NCOR2: variants seen among roughly 807,000 people sequenced by gnomAD.
NCOR2 encodes the protein CTG repeat protein 26.
NCOR2 carries 81 observed loss-of-function variants against 262.9 expected under a neutral mutation model. The ratio of observed to expected loss-of-function variants is 0.31; its 90% confidence interval spans 0.26 to 0.37. The LOEUF (loss-of-function observed/expected upper bound fraction) is 0.37. Ranked by LOEUF, NCOR2 falls within the 10% of genes least tolerant of loss-of-function variation. The pLI, the probability that NCOR2 is intolerant of heterozygous loss-of-function variation, is 1.00. For missense variants in NCOR2, 3,385 were observed against 3,621.4 expected (o/e 0.93, Z 1.68); for synonymous variants, 1,659 against 1,559.3 (o/e 1.06, Z -1.51).
intron 19 of NCOR2, among the ~76,000 whole-genome samples, chr12:124,372,911 A>G (rs1241181168): frequency 6.6e-6 from 1 of 151,984 alleles, no homozygotes; most frequent in Non-Finnish European, 1.5e-5. Context: ...CGACAGATGG[A>G]GCCAGCCTGA....
At chr12:124,334,472 T>C in exon 41 of NCOR2, 3 of 1,470,940 alleles carry the variant, frequency 2.0e-6, no homozygotes, top group Non-Finnish European at 2.7e-6. Flanking sequence ...GGCACCATGG[T>C]CCGGGGGCGG....
intron 1 of NCOR2, among the ~76,000 whole-genome samples, chr12:124,526,967 C>A (rs2050504044): frequency 1.3e-5 from 2 of 152,200 alleles, no homozygotes; most frequent in African/African-American, 4.8e-5. Context: ...CCAATCAGGG[C>A]CGCTGAAAGA....
At chr12:124,472,047 A>C (rs1210880915) in intron 4 of NCOR2, among the ~76,000 whole-genome samples, 1 of 152,202 alleles carries the variant, frequency 6.6e-6, no homozygotes, top group Admixed American at 6.5e-5. Flanking sequence ...ATTTACAAAA[A>C]CCAGCAGCAG....
At chr12:124,352,120 G>T (rs1023285618) in intron 27 of NCOR2, among the ~76,000 whole-genome samples, 1 of 152,206 alleles carries the variant, frequency 6.6e-6, no homozygotes, top group Non-Finnish European at 1.5e-5. Flanking sequence ...CTAACAGTGT[G>T]GCACAATAGG....
intron 1 of NCOR2, among the ~76,000 whole-genome samples, chr12:124,500,337 TG>T (rs1487032899): frequency 7.2e-5 from 11 of 152,150 alleles, no homozygotes; most frequent in Admixed American, 4.6e-4. Context: ...CCCTGGGCCA[TG>T]CCTGCCAGGA....
rs188333646 is a variant in NCOR2, at chr12:124,414,208, T to G, written c.1482+5749A>C. Among the ~76,000 whole-genome samples the G allele has an allele frequency of 6.0e-4, 91 of 152,318 alleles. 1 individual carries two copies. The East Asian group carries it at 0.016, about 26-fold the overall frequency. On this transcript the variant is annotated intron_variant, in intron 13 of 46. Coordinates refer to ENST00000405201, the Ensembl canonical transcript of NCOR2. ...TCCCTCCAACTCCCCGGGCTGCATG[T>G]GCCAGGCTAGAACCCTCAGTCTGCC...
chr12:124,551,522 G>A (rs1437721263), intron 1 of NCOR2, among the ~76,000 whole-genome samples: 1 of 152,190 alleles, frequency 6.6e-6, no homozygotes, highest in Admixed American at 6.5e-5. Context: ...TTTAACAAAA[G>A]CCACCTTAGC....
At chr12:124,466,992 A>G (rs2046451881) in intron 4 of NCOR2, among the ~76,000 whole-genome samples, 1 of 109,698 alleles carries the variant, frequency 9.1e-6, no homozygotes, top group Non-Finnish European at 1.8e-5. Flanking sequence ...CCTCATCCTC[A>G]TCACCCCCAT....
chr12:124,553,466 GATTCTGAAC>G (rs2137266918), intron 1 of NCOR2, among the ~76,000 whole-genome samples: 1 of 152,296 alleles, frequency 6.6e-6, no homozygotes, highest in South Asian at 2.1e-4. Context: ...CCACCCCACA[GATTCTGAAC>G]TCCCAACAGG....
chr12:124,424,095 T>C (rs1484599066), intron 11 of NCOR2, among the ~76,000 whole-genome samples: 2 of 151,722 alleles, frequency 1.3e-5, no homozygotes, highest in Admixed American at 1.3e-4. Flanking sequence ...CCAGCCTGGG[T>C]CCCCCACCCT....
At chr12:124,501,167 G>A (rs950349212) in intron 1 of NCOR2, among the ~76,000 whole-genome samples, 1 of 151,944 alleles carries the variant, frequency 6.6e-6, no homozygotes, top group Non-Finnish European at 1.5e-5. Flanking sequence ...TGGGGTGGGC[G>A]GAACCACGGC....
At chr12:124,553,883 C>T (rs1168190095) in intron 1 of NCOR2, among the ~76,000 whole-genome samples, 1 of 152,184 alleles carries the variant, frequency 6.6e-6, no homozygotes, top group Non-Finnish European at 1.5e-5. Context: ...GTCCAAGAGC[C>T]CGAGCTGCAT....
intron 13 of NCOR2, 94 bp downstream of exon 15, chr12:124,419,863 T>TA (rs1189577072): frequency 8.9e-7 from 1 of 1,128,256 alleles, no homozygotes; most frequent in East Asian, 2.4e-5. Context: ...TGGAGACAGT[T>TA]ACCGCCAGCC....
Position 124,440,429 on chromosome 12 carries a change from C to T in NCOR2, c.816-2433G>A, listed in dbSNP as rs74968945. ...TTCCATCAGTCTGGCCGCCGCCCCC[C>T]GGCCAGGGTGGGCCATGGGGGTCCT... is the stretch of plus-strand genomic sequence containing the variant. On this transcript the variant is annotated intron_variant, in intron 7 of 46. Coordinates refer to ENST00000405201, the Ensembl canonical transcript of NCOR2. The surrounding 1 kb of genome is among the most constrained non-coding windows in gnomAD (Gnocchi z 5.7). 0.021 allele frequency among the ~76,000 whole-genome samples: 3,211 copies of T among 152,336 alleles called. 43 individuals carry two copies. The highest frequency in any genetic ancestry group is 0.033 in the Non-Finnish European group (2,228 of 68,016).
upstream of NCOR2, among the ~76,000 whole-genome samples, chr12:124,536,532 C>T (rs837463): frequency 0.98 from 149,319 of 152,248 alleles, 73,284 homozygotes; most frequent in East Asian, 1. Flanking sequence ...CCAAAGAGTA[C>T]ATACACATGG....
chr12:124,325,787 T>C, intron 46 of NCOR2, among the ~76,000 whole-genome samples: 1 of 152,186 alleles, frequency 6.6e-6, no homozygotes, highest in Non-Finnish European at 1.5e-5. Flanking sequence ...CCTGCCGCTG[T>C]CTTTTGCCTG....
intron 1 of NCOR2, among the ~76,000 whole-genome samples, chr12:124,501,088 A>G (rs1234067465): frequency 1.5e-4 from 23 of 150,100 alleles, no homozygotes; most frequent in East Asian, 7.9e-4. Context: ...ACACACACAC[A>G]CACACACACA....
chr12:124,487,224 T>C (rs988209210), intron 1 of NCOR2, among the ~76,000 whole-genome samples: 2 of 152,184 alleles, frequency 1.3e-5, no homozygotes, highest in African/African-American at 4.8e-5. Context: ...GGCTCGGGCC[T>C]CACTCGCCAG....
At chr12:124,353,553 T>C (rs3782252) in intron 27 of NCOR2, among the ~76,000 whole-genome samples, 49,058 of 152,058 alleles carry the variant, frequency 0.32, 8,251 homozygotes, top group East Asian at 0.46. Context: ...CACTGTGTTC[T>C]AGAGCCAGAC....
Sources: gnomAD v4.1 joint callset for allele counts (sites outside exome capture counted in the v4.1 genomes callset) on GRCh38, gnomAD v4.1.1 for gene constraint, Gnocchi (gnomAD v3.1) non-coding constraint, MANE v1.5 for transcripts, NCBI Gene and HGNC (gene_info 2026-07-23, HGNC 2026-07-21) for gene names.